The following RSPH3 variants were observed in gnomAD, a reference collection of about 807,000 sequenced individuals.
RSPH3 encodes the protein radial spoke head 3.
A neutral mutation model predicts 43.8 loss-of-function variants in RSPH3; 21 were observed. The observed-to-expected ratio is 0.48, with a 90% CI of 0.34 to 0.69. RSPH3 has a LOEUF of 0.69. Ranked by LOEUF, RSPH3 falls within the 30% of genes least tolerant of loss-of-function variation. RSPH3 has a pLI of 0.01. For missense variants in RSPH3, 487 were observed against 516.0 expected, an observed-to-expected ratio of 0.94 and a Z score of 0.54; for synonymous variants, 173 against 179.8, an observed-to-expected ratio of 0.96 and a Z score of 0.30.
At chr6:158,968,460 TCCTGA>T (rs1238944071), downstream of RSPH3, among the ~76,000 whole-genome samples, 3 of 152,114 alleles carry the variant, frequency 2.0e-5, no homozygotes, top group African/African-American at 7.2e-5. Flanking sequence ...GGTCTTGAAC[TCCTGA>T]CCTCAAGTGA....
At chr6:158,971,224 G>A (rs1777691154), downstream of RSPH3, among the ~76,000 whole-genome samples, 3 of 152,100 alleles carry the variant, frequency 2.0e-5, no homozygotes, top group African/African-American at 4.8e-5. Context: ...TGGGAAGAGC[G>A]GGATGGAAAT....
the RSPH3 span, among the ~76,000 whole-genome samples, chr6:158,964,302 GT>G: frequency 2.6e-5 from 4 of 152,152 alleles, no homozygotes; most frequent in African/African-American, 9.7e-5. Flanking sequence ...TGGATTGATA[GT>G]TTTTGTGGAC....
rs1777731224 is a variant in RSPH3, at chr6:158,973,308, T to C, written c.*4230A>G. On this transcript the variant is annotated 3_prime_UTR_variant, in exon 8 of 8. Transcript: ENST00000367069. The stretch of plus-strand genomic sequence containing the variant: ...AAGCATAGAAAAAAAATCTAGCTGA[T>C]ATAGTTGTTATGTTTCAACAACATA... 1 of 152,200 alleles carries C rather than the reference T, an allele frequency of 6.6e-6. No homozygotes were observed. 9.4% of individuals were successfully genotyped at this position (152,200 alleles called of 1,614,324 possible).
rs143832203 is a variant in RSPH3 at position 158,999,906 on chromosome 6, C to T, written c.-356G>A. ...CTCTTGACTCCGCCCAGCCGCGCCA[C>T]CCAGGTAGGTGCGCCTGCGCTTTGC... is the stretch of plus-strand genomic sequence containing the variant. On this transcript the variant is annotated 5_prime_UTR_variant, in exon 1 of 8. In the 5' UTR this introduces an upstream ATG that the reference lacks. Coordinates refer to ENST00000367069, the MANE Select transcript of RSPH3 (RefSeq NM_031924.8). The T allele has an allele frequency of 1.2e-6, 2 of 1,612,882 alleles. No individual in the cohort carries two copies. Among genetic ancestry groups the T allele is most frequent in the African/African-American group, 1.3e-5 (1 of 74,936 alleles).
intron 2 of RSPH3, among the ~76,000 whole-genome samples, chr6:158,990,755 T>C (rs1778377986): frequency 6.6e-6 from 1 of 152,192 alleles, no homozygotes; most frequent in Non-Finnish European, 1.5e-5. Context: ...TGTAGGCCTT[T>C]TGCCAAATTT....
intron 2 of RSPH3, among the ~76,000 whole-genome samples, chr6:158,986,861 A>T (rs1388800526): frequency 2.0e-5 from 3 of 152,182 alleles, no homozygotes; most frequent in African/African-American, 7.2e-5. Flanking sequence ...ATTTGTTCAG[A>T]CATGTTTTGT....
In RSPH3 at chr6:158,977,558, C is replaced by A; in HGVS notation, c.1237G>T (p.Gly413Trp). ...CCCTCCTATGACAATTCTTCCTCCCCTAAGGACTTCCTCATTGCTGTTTCT... is the reference window on the plus strand; with the variant it reads ...CCCTCCTATGACAATTCTTCCTCCCATAAGGACTTCCTCATTGCTGTTTCT... ...DEETAMRKSL[G>W]EEELS Residue 413 changes from glycine (G) to tryptophan (W), a missense_variant, in exon 8 of 8, where the codon GGG (glycine) becomes TGG (tryptophan). Transcript: ENST00000367069. 3 of 1,611,912 alleles carry A rather than the reference C, an allele frequency of 1.9e-6. No individual in the cohort carries two copies. Among genetic ancestry groups the A allele is most frequent in the Non-Finnish European group, 2.5e-6 (3 of 1,179,440 alleles).
rs1778804128 is a variant in RSPH3, at chr6:158,999,887, A to G, written c.-337T>C. ...CGGCACAAGGGACTTCCGGCTCTTG[A>G]CTCCGCCCAGCCGCGCCACCCAGGT... On this transcript the variant is annotated 5_prime_UTR_variant, in exon 1 of 8. Transcript: ENST00000367069. 1.9e-6 allele frequency: 3 copies of G among 1,613,022 alleles called. No individual in the cohort carries two copies. Among genetic ancestry groups the G allele is most frequent in the Non-Finnish European group, 2.5e-6 (3 of 1,179,814 alleles).
the RSPH3 span, among the ~76,000 whole-genome samples, chr6:158,966,753 T>C: frequency 6.6e-6 from 1 of 151,146 alleles, no homozygotes; most frequent in African/African-American, 2.4e-5. Flanking sequence ...TGTTAATCTT[T>C]GCAAAAAAAA....
At position 158,999,863 on chromosome 6, in the gene RSPH3, G is replaced by T. The variant is rs377436847; in HGVS notation, c.-313C>A. On this transcript the variant is annotated 5_prime_UTR_variant, in exon 1 of 8. Coordinates refer to ENST00000367069, the MANE Select transcript of RSPH3 (RefSeq NM_031924.8). ...CCCCAGGTTTCCCGGGAAGGACTGC[G>T]GCACAAGGGACTTCCGGCTCTTGAC... is the stretch of plus-strand genomic sequence containing the variant. 14 of 1,613,716 alleles carry T rather than the reference G, an allele frequency of 8.7e-6. No homozygotes were observed. The highest frequency in any genetic ancestry group is 1.2e-5 in the Non-Finnish European group (14 of 1,179,970).
intron 1 of RSPH3, 61 bp downstream of exon 1, chr6:158,999,374 G>T: frequency 7.0e-7 from 1 of 1,425,342 alleles, no homozygotes; most frequent in South Asian, 1.5e-5. Context: ...GAAGGGGCCA[G>T]ACCCCGGCCT....
downstream of RSPH3, among the ~76,000 whole-genome samples, chr6:158,971,002 T>G (rs1364477244): frequency 6.6e-6 from 1 of 152,204 alleles, no homozygotes; most frequent in Non-Finnish European, 1.5e-5. Context: ...TGTCAGGACT[T>G]TTGTCACTGA....
chr6:158,979,189 T>C (rs893583450), intron 6 of RSPH3, among the ~76,000 whole-genome samples: 1 of 152,216 alleles, frequency 6.6e-6, no homozygotes, highest in African/African-American at 2.4e-5. Context: ...TCTATTACAA[T>C]ATACATTTTA....
chr6:158,979,710 G>A (rs1161801222), intron 6 of RSPH3, among the ~76,000 whole-genome samples: 1 of 152,174 alleles, frequency 6.6e-6, no homozygotes, highest in Non-Finnish European at 1.5e-5. Flanking sequence ...TGTAATCAGT[G>A]AAAATTATCA....
At position 158,973,506 on chromosome 6, in the gene RSPH3, T is replaced by C. The variant is rs557421417; in HGVS notation, c.*4032A>G. On this transcript the variant is annotated 3_prime_UTR_variant, in exon 8 of 8. Coordinates refer to ENST00000367069, the MANE Select transcript of RSPH3 (RefSeq NM_031924.8). Reference sequence around the variant, plus strand: ...ACTTTCTTCTGCAAGTTACCCACCCTTTCATATGTTTTTAAAATGAAACAC... The same window carrying C: ...ACTTTCTTCTGCAAGTTACCCACCCCTTCATATGTTTTTAAAATGAAACAC... 48 of 152,334 alleles carry C rather than the reference T, an allele frequency of 3.2e-4. No homozygotes were observed. The highest frequency in any genetic ancestry group is 1.2e-3 in the African/African-American group (48 of 41,588). The allele number at this position is 152,334 out of a possible 1,614,324, so 9.4% of individuals were successfully genotyped here.
chr6:158,968,860 C>A (rs139339189), downstream of RSPH3, among the ~76,000 whole-genome samples: 1 of 151,468 alleles, frequency 6.6e-6, no homozygotes, highest in South Asian at 2.1e-4. Context: ...TACAGGTGTG[C>A]GCCACCACAC....
chr6:158,995,402 T>A (rs1045043259), intron 1 of RSPH3, among the ~76,000 whole-genome samples: 11 of 152,154 alleles, frequency 7.2e-5, no homozygotes, highest in Admixed American at 2.0e-4. Context: ...CCAAAATGGG[T>A]GTCAACAGGA....
In RSPH3 at chr6:159,000,111, G is replaced by C; in HGVS notation, c.-561C>G. 2 of 957,442 alleles carry C rather than the reference G, an allele frequency of 2.1e-6. No homozygotes were observed. The highest frequency in any genetic ancestry group is 1.8e-5 in the South Asian group (1 of 54,578). 59.3% of individuals were successfully genotyped at this position (957,442 alleles called of 1,614,324 possible). A position where few individuals can be genotyped will look rare whatever the true frequency, so the allele number is the denominator to read the frequency against. On this transcript the variant is annotated 5_prime_UTR_variant, in exon 1 of 8. Transcript: ENST00000367069. ...CAGGGTGTCCTCGGCTGTTTCTCCT[G>C]CCGCGGCGCAGCAGCGCTCCCAGGC...
chr6:158,986,910 G>A (rs1212569277), intron 2 of RSPH3, among the ~76,000 whole-genome samples: 2 of 152,112 alleles, frequency 1.3e-5, no homozygotes, highest in Non-Finnish European at 1.5e-5. Flanking sequence ...TGATCCATGT[G>A]CTGAAGAAAA....
Sources: allele counts gnomAD v4.1 joint callset (sites outside exome capture counted in the v4.1 genomes callset), GRCh38; gene constraint gnomAD v4.1.1; transcripts MANE v1.5; gene names NCBI Gene and HGNC (gene_info 2026-07-23, HGNC 2026-07-21).